HYAL4: variants seen among roughly 807,000 people sequenced by gnomAD.
HYAL4 encodes hyaluronidase 4.
Under a neutral mutation model 35.2 loss-of-function variants are expected in HYAL4, and 37 were observed. That is an observed-to-expected ratio of 1.05 (90% CI 0.81 to 1.38). HYAL4 has a LOEUF of 1.38. HYAL4 is among the 40% of genes most tolerant of loss of function. The pLI is 0.00. For synonymous variants in HYAL4, 198 were observed against 203.2 expected, an observed-to-expected ratio of 0.97 and a Z score of 0.22; for missense variants, 572 against 572.4, an observed-to-expected ratio of 1.00 and a Z score of 0.01.
At chr7:123,849,651 T>C (rs184407891) in intron 2 of HYAL4, among the ~76,000 whole-genome samples, 3 of 152,244 alleles carry the variant, frequency 2.0e-5, no homozygotes, top group Admixed American at 2.0e-4. Context: ...AAGAGAAACC[T>C]TTTAAGACAA....
At chr7:123,790,711 C>T in the HYAL4 span, 1 of 151,520 alleles carries the variant, frequency 6.6e-6, no homozygotes, top group Admixed American at 6.6e-5. Context: ...GAAGCGAGCA[C>T]CAAAGACATG....
At chr7:123,766,779 C>T in the HYAL4 span, among the ~76,000 whole-genome samples, 1 of 152,094 alleles carries the variant, frequency 6.6e-6, no homozygotes, top group Admixed American at 6.5e-5. Flanking sequence ...TTTTTGTTTT[C>T]TGATGATAGT....
chr7:123,855,157 A>G (rs373451126), intron 2 of HYAL4, among the ~76,000 whole-genome samples: 10 of 152,104 alleles, frequency 6.6e-5, no homozygotes, highest in Admixed American at 2.6e-4. Flanking sequence ...TCTTCATCCA[A>G]TTTGCCAGGC....
chr7:123,844,765 C>T (rs902736377), upstream of HYAL4, among the ~76,000 whole-genome samples: 135 of 152,308 alleles, frequency 8.9e-4, no homozygotes, highest in African/African-American at 3.1e-3. Context: ...AGCCAGGCTG[C>T]TGCCTCACAG....
At chr7:123,765,209 A>T in the HYAL4 span, among the ~76,000 whole-genome samples, 2 of 152,080 alleles carry the variant, frequency 1.3e-5, no homozygotes, top group Non-Finnish European at 2.9e-5. Context: ...TAAATAAAAA[A>T]AATTGTCACT....
intron 1 of HYAL4, among the ~76,000 whole-genome samples, chr7:123,839,839 T>C (rs1806024905): frequency 6.6e-6 from 1 of 152,112 alleles, no homozygotes; most frequent in Non-Finnish European, 1.5e-5. Context: ...ATTGTTTGTT[T>C]TTTTTTCTTG....
At chr7:123,804,907 A>G in the HYAL4 span, among the ~76,000 whole-genome samples, 2,008 of 152,300 alleles carry the variant, frequency 0.013, 41 homozygotes, top group African/African-American at 0.046. Context: ...CTTAAGCACA[A>G]TGATTTCACA....
chr7:123,764,577 T>G, the HYAL4 span, among the ~76,000 whole-genome samples: 1 of 152,068 alleles, frequency 6.6e-6, no homozygotes, highest in African/African-American at 2.4e-5. Context: ...AAGCATATAG[T>G]AGGGAGAAGG....
intron 2 of HYAL4, among the ~76,000 whole-genome samples, chr7:123,851,832 G>A (rs1329356787): frequency 2.6e-5 from 4 of 152,174 alleles, no homozygotes; most frequent in Non-Finnish European, 4.4e-5. Context: ...TTCCACAGTG[G>A]TTCAACTAAT....
At chr7:123,795,572 G>A in the HYAL4 span, among the ~76,000 whole-genome samples, 2 of 151,982 alleles carry the variant, frequency 1.3e-5, no homozygotes, top group African/African-American at 2.4e-5. Context: ...TTTTATAAGG[G>A]GCTTTCCCCC....
chr7:123,798,792 C>T, the HYAL4 span, among the ~76,000 whole-genome samples: 1 of 152,028 alleles, frequency 6.6e-6, no homozygotes, highest in African/African-American at 2.4e-5. Flanking sequence ...AATAGAATAC[C>T]CAAGGAAGTG....
intron 2 of HYAL4, among the ~76,000 whole-genome samples, chr7:123,856,504 G>T (rs1806441033): frequency 6.6e-6 from 1 of 152,166 alleles, no homozygotes; most frequent in Admixed American, 6.5e-5. Flanking sequence ...GACCCTGTTT[G>T]CCTGGTATCA....
chr7:123,784,799 TC>T, the HYAL4 span, among the ~76,000 whole-genome samples: 2 of 152,188 alleles, frequency 1.3e-5, no homozygotes. Context: ...CAAGGAGCCT[TC>T]CAGGATGTGG....
chr7:123,765,472 T>A, the HYAL4 span, among the ~76,000 whole-genome samples: 2 of 152,110 alleles, frequency 1.3e-5, no homozygotes, highest in African/African-American at 4.8e-5. Flanking sequence ...ATGGGAAATG[T>A]GGTATGAAAG....
At chr7:123,773,367 G>A in the HYAL4 span, among the ~76,000 whole-genome samples, 1 of 152,028 alleles carries the variant, frequency 6.6e-6, no homozygotes, top group African/African-American at 2.4e-5. Flanking sequence ...TGAATAATAA[G>A]TATTCTTTGT....
chr7:123,855,026 A>G (rs548659967), intron 2 of HYAL4, among the ~76,000 whole-genome samples: 2 of 152,238 alleles, frequency 1.3e-5, no homozygotes, highest in Admixed American at 6.5e-5. Flanking sequence ...CTGTTTTATC[A>G]GAGACTAGGA....
the HYAL4 span, among the ~76,000 whole-genome samples, chr7:123,812,663 G>GT: frequency 6.6e-6 from 1 of 152,072 alleles, no homozygotes; most frequent in Non-Finnish European, 1.5e-5. Flanking sequence ...TTAAAAAGGT[G>GT]TTTTTTGTTC....
intron 1 of HYAL4, among the ~76,000 whole-genome samples, chr7:123,831,567 TTTA>T (rs1157668642): frequency 6.6e-6 from 1 of 152,240 alleles, no homozygotes; most frequent in East Asian, 1.9e-4. Context: ...TGTTATACAT[TTTA>T]TTCTATTCCA....
intron 2 of HYAL4, among the ~76,000 whole-genome samples, chr7:123,853,833 T>A (rs535721341): frequency 1.3e-5 from 2 of 152,302 alleles, no homozygotes; most frequent in East Asian, 3.9e-4. Flanking sequence ...TCTGGTAGAA[T>A]TCGGATGTGA....
Sources: allele counts gnomAD v4.1 joint callset (sites outside exome capture counted in the v4.1 genomes callset), GRCh38; gene constraint gnomAD v4.1.1; transcripts MANE v1.5; gene names NCBI Gene and HGNC (gene_info 2026-07-23, HGNC 2026-07-21).